The following CCSER1 variants were observed in gnomAD, a reference collection of about 807,000 sequenced individuals.
CCSER1 encodes the protein serine-rich coiled-coil domain-containing protein 1.
A neutral mutation model predicts 82.0 loss-of-function variants in CCSER1; 41 were observed. The ratio of observed to expected loss-of-function variants is 0.50; its 90% CI spans 0.39 to 0.65. The LOEUF (loss-of-function observed/expected upper bound fraction) is 0.65, where lower values mean the gene tolerates loss of function less well. Ranked by LOEUF, CCSER1 falls within the 30% of genes least tolerant of loss-of-function variation. The pLI is 0.00. For missense variants in CCSER1, 1,119 were observed against 1,064.2 expected, an observed-to-expected ratio of 1.05 and a Z score of -0.72; for synonymous variants, 414 against 383.9, an observed-to-expected ratio of 1.08 and a Z score of -0.92.
At chr4:90,568,514 T>G (rs1028205149) in intron 5 of CCSER1, among the ~76,000 whole-genome samples, 1 of 152,172 alleles carries the variant, frequency 6.6e-6, no homozygotes, top group Non-Finnish European at 1.5e-5. Context: ...CAGGAATATA[T>G]TTTTTCACTC....
intron 10 of CCSER1, among the ~76,000 whole-genome samples, chr4:91,325,633 T>G (rs953998233): frequency 2.0e-5 from 3 of 152,164 alleles, no homozygotes; most frequent in Non-Finnish European, 4.4e-5. Context: ...TAAAAGTCTC[T>G]CCTTTCATCC....
intron 9 of CCSER1, among the ~76,000 whole-genome samples, chr4:91,045,916 G>GT (rs903386051): frequency 5.4e-5 from 8 of 148,060 alleles, no homozygotes; most frequent in Non-Finnish European, 9.0e-5. Flanking sequence ...GGGTGGGGCT[G>GT]TTTTACAGGA....
At chr4:91,347,703 A>T (rs1748153557) in intron 10 of CCSER1, among the ~76,000 whole-genome samples, 1 of 151,938 alleles carries the variant, frequency 6.6e-6, no homozygotes, top group African/African-American at 2.4e-5. Context: ...ATATATTTAT[A>T]TCTAAGTATT....
At chr4:91,522,443 A>T (rs1760528923) in intron 10 of CCSER1, among the ~76,000 whole-genome samples, 2 of 152,154 alleles carry the variant, frequency 1.3e-5, no homozygotes, top group African/African-American at 4.8e-5. Flanking sequence ...GATGGCACTG[A>T]ATCTATAAAT....
intron 1 of CCSER1, among the ~76,000 whole-genome samples, chr4:90,264,801 G>T (rs1286122761): frequency 6.6e-6 from 1 of 151,884 alleles, no homozygotes; most frequent in Non-Finnish European, 1.5e-5. Context: ...GGATTATTAA[G>T]GTTATCTTGA....
At chr4:90,582,716 C>A (rs998142366) in intron 5 of CCSER1, among the ~76,000 whole-genome samples, 5 of 152,086 alleles carry the variant, frequency 3.3e-5, no homozygotes, top group African/African-American at 1.2e-4. Flanking sequence ...AATTCAAATG[C>A]AATAATCTGT....
intron 1 of CCSER1, among the ~76,000 whole-genome samples, chr4:90,287,783 A>G (rs948945080): frequency 2.1e-4 from 32 of 151,956 alleles, no homozygotes; most frequent in African/African-American, 7.2e-4. Context: ...ATGAAAAAGA[A>G]ATTACTTACA....
chr4:90,558,654 C>A (rs1042313469), intron 5 of CCSER1, among the ~76,000 whole-genome samples: 3 of 152,010 alleles, frequency 2.0e-5, no homozygotes, highest in African/African-American at 7.3e-5. Context: ...ATAGGTGTTT[C>A]AAAGATAATC....
intron 5 of CCSER1, among the ~76,000 whole-genome samples, chr4:90,486,517 C>G (rs1767080118): frequency 6.6e-6 from 1 of 152,186 alleles, no homozygotes; most frequent in Admixed American, 6.5e-5. Flanking sequence ...TAAATGCTTT[C>G]TGTTTTGGGA....
At chr4:90,805,931 T>C (rs2149718311) in intron 7 of CCSER1, among the ~76,000 whole-genome samples, 1 of 152,282 alleles carries the variant, frequency 6.6e-6, no homozygotes, top group East Asian at 1.9e-4. Context: ...AAATATGTTC[T>C]AGAATTTTGC....
At chr4:90,491,212 T>C (rs1023211950) in intron 5 of CCSER1, among the ~76,000 whole-genome samples, 3 of 152,142 alleles carry the variant, frequency 2.0e-5, no homozygotes, top group Non-Finnish European at 4.4e-5. Context: ...GGTTTGAAGT[T>C]CTCCTTGAAG....
At chr4:91,542,267 CA>C (rs1761644045) in intron 10 of CCSER1, among the ~76,000 whole-genome samples, 1 of 151,976 alleles carries the variant, frequency 6.6e-6, no homozygotes. Flanking sequence ...CTTTTGTTAC[CA>C]TTGCTTTTGG....
intron 6 of CCSER1, among the ~76,000 whole-genome samples, chr4:90,635,552 A>G (rs1414240035): frequency 6.6e-6 from 1 of 151,860 alleles, no homozygotes; most frequent in Admixed American, 6.6e-5. Flanking sequence ...TTTTCTGGAT[A>G]TAGTTAAAAC....
Position 90,188,777 on chromosome 4 carries a change from A to G in CCSER1, c.-42+60946A>G, listed in dbSNP as rs144385877. Among the ~76,000 whole-genome samples, 1,100 of 152,086 alleles carry G rather than the reference A, an allele frequency of 7.2e-3. 8 individuals carry two copies. Among genetic ancestry groups the G allele is most frequent in the Middle Eastern group, 0.031 (9 of 294 alleles). On this transcript the variant is annotated intron_variant, in intron 1 of 10. Transcript: ENST00000509176. Reference sequence around the variant, plus strand: ...CTCCTCCCAAAAAATAAATATGAACATTTTCAACCATATTTGCATATTTAT... The same window carrying G: ...CTCCTCCCAAAAAATAAATATGAACGTTTTCAACCATATTTGCATATTTAT...
chr4:91,585,527 T>C (rs569823193), intron 10 of CCSER1, among the ~76,000 whole-genome samples: 2 of 151,618 alleles, frequency 1.3e-5, no homozygotes, highest in Non-Finnish European at 3.0e-5. Context: ...TACATACATA[T>C]GTATAGGACA....
intron 1 of CCSER1, among the ~76,000 whole-genome samples, chr4:90,223,966 G>C (rs989064696): frequency 6.6e-6 from 1 of 152,226 alleles, no homozygotes; most frequent in Non-Finnish European, 1.5e-5. Context: ...TGCCTAGCTA[G>C]ATAGAACATG....
intron 3 of CCSER1, among the ~76,000 whole-genome samples, chr4:90,362,916 A>G (rs1745616269): frequency 6.6e-6 from 1 of 152,186 alleles, no homozygotes; most frequent in Non-Finnish European, 1.5e-5. Flanking sequence ...GTCAATCTGT[A>G]GACTTACAGA....
At chr4:91,413,041 AG>A (rs1251094784) in intron 10 of CCSER1, among the ~76,000 whole-genome samples, 5 of 152,192 alleles carry the variant, frequency 3.3e-5, no homozygotes, top group African/African-American at 1.2e-4. Context: ...CCATAAAAAA[AG>A]AAACCCAAAC....
At chr4:90,789,078 C>G (rs1463533326) in intron 7 of CCSER1, among the ~76,000 whole-genome samples, 2 of 152,150 alleles carry the variant, frequency 1.3e-5, no homozygotes, top group African/African-American at 4.8e-5. Flanking sequence ...TTGAAAGAAG[C>G]TTGCCTTCTG....
Sources: gnomAD v4.1 joint callset for allele counts (sites outside exome capture counted in the v4.1 genomes callset) on GRCh38, gnomAD v4.1.1 for gene constraint, MANE v1.5 for transcripts, NCBI Gene and HGNC (gene_info 2026-07-23, HGNC 2026-07-21) for gene names.